The following WDR3 variants were observed in gnomAD, a reference collection of about 807,000 sequenced individuals.
The protein encoded by WDR3 is WD repeat-containing protein 3.
Under a neutral mutation model 123.7 loss-of-function variants are expected in WDR3, and 81 were observed. The ratio of observed to expected loss-of-function variants is 0.65; its 90% CI spans 0.55 to 0.79. WDR3 has a LOEUF of 0.79. Among genes scored for constraint, WDR3 ranks in the 30% least tolerant of loss-of-function variants. WDR3 has a pLI of 0.00. For synonymous variants in WDR3, 390 were observed against 388.8 expected (o/e 1.00, Z -0.04); for missense variants, 1,027 against 1,123.2 (o/e 0.91, Z 1.22).
intron 15 of WDR3, 102 bp downstream of exon 15, chr1:117,950,232 A>G: frequency 7.4e-7 from 1 of 1,348,178 alleles, no homozygotes; most frequent in Middle Eastern, 1.9e-4. Context: ...GCCCAGCGAT[A>G]GTACATTTCT....
At chr1:117,938,892 G>A (rs1235815599) in intron 5 of WDR3, among the ~76,000 whole-genome samples, 1 of 152,140 alleles carries the variant, frequency 6.6e-6, no homozygotes, top group Non-Finnish European at 1.5e-5. Flanking sequence ...AGCAGCACGT[G>A]GTAGCTGTTA....
At chr1:117,957,277 T>C (rs1181089701) in intron 25 of WDR3, 81 bp downstream of exon 25, 39 of 1,473,248 alleles carry the variant, frequency 2.6e-5, no homozygotes, top group Middle Eastern at 1.8e-4. Context: ...GTCAACACTT[T>C]GGGATTAAGA....
chr1:117,957,546 A>G (rs923166764), intron 25 of WDR3, among the ~76,000 whole-genome samples: 2 of 152,222 alleles, frequency 1.3e-5, no homozygotes, highest in Non-Finnish European at 2.9e-5. Flanking sequence ...AAAGCCAATT[A>G]TGATTGGCCA....
Position 117,964,030 on chromosome 1 carries a change from C to A in WDR3, c.*4583C>A. 1 of 1,409,730 alleles carries A rather than the reference C, an allele frequency of 7.1e-7. No individual in the cohort carries two copies. The highest frequency in any genetic ancestry group is 9.7e-7 in the Non-Finnish European group (1 of 1,035,212). The allele number at this position is 1,409,730 out of a possible 1,614,324, so 87.3% of individuals were successfully genotyped here. ...ATTTTAGAATCATAGAATTTCTTCT[C>A]TGGCAACATCAGTTCAATTTTAGGT... On this transcript the variant is annotated 3_prime_UTR_variant, in exon 27 of 27. Coordinates refer to ENST00000349139, the MANE Select transcript of WDR3 (RefSeq NM_006784.3).
At position 117,942,542 on chromosome 1, in the gene WDR3, C is replaced by A. The variant is rs1651208122; in HGVS notation, c.1095C>A (p.Ile365=). 6.2e-7 allele frequency: 1 copy of A among 1,611,610 alleles called. No homozygotes were observed. The highest frequency in any genetic ancestry group is 1.3e-5 in the African/African-American group (1 of 74,776). The part of the protein sequence containing the change: ...RVTNIKTSAK[I]KSFDLIHSPH... The stretch of plus-strand genomic sequence containing the variant: ...CTAATATAAAAACTTCTGCCAAAAT[C>A]AAGTGAGTAAAAATAAATTATCTGA... The change falls in exon 10 of 27, where the codon ATC becomes ATA. Residue 365 remains isoleucine (I), a splice_region_variant and synonymous_variant. Coordinates refer to ENST00000349139, the MANE Select transcript of WDR3 (RefSeq NM_006784.3).
At chr1:117,933,781 T>TC (rs771483108) in intron 2 of WDR3, 1 of 375,852 alleles carries the variant, frequency 2.7e-6, no homozygotes, top group Non-Finnish European at 5.0e-6. Context: ...ATGTATTTTT[T>TC]CTCTACCAAT....
chr1:117,958,853 G>A, intron 25 of WDR3, 57 bp from the exon 26 acceptor site: 1 of 1,300,924 alleles, frequency 7.7e-7, no homozygotes, highest in Admixed American at 2.0e-5. Context: ...GTTTCTAGAA[G>A]GGTTAAGTAG....
intron 2 of WDR3, 29 bp from the exon 3 acceptor site, chr1:117,934,444 T>C (rs747241069): frequency 1.9e-6 from 3 of 1,609,744 alleles, no homozygotes; most frequent in African/African-American, 2.7e-5. Context: ...TTAACTCTTC[T>C]ACATTGTTTT....
chr1:117,930,304 G>A (rs1650660972), intron 1 of WDR3, among the ~76,000 whole-genome samples: 1 of 152,196 alleles, frequency 6.6e-6, no homozygotes, highest in African/African-American at 2.4e-5. Flanking sequence ...TAAATATCGA[G>A]GCGATGAAAA....
chr1:117,945,667 A>G (rs60123653), intron 11 of WDR3, among the ~76,000 whole-genome samples: 3,755 of 152,282 alleles, frequency 0.025, 153 homozygotes, highest in African/African-American at 0.084. Context: ...TGTAGTGGGC[A>G]TTCAGTAAAT....
Position 117,962,613 on chromosome 1 carries a change from G to GTATT in WDR3, c.*3169_*3170insTTAT, listed in dbSNP as rs1217970500. The GTATT allele has an allele frequency of 6.6e-6, 1 of 151,474 alleles. No homozygotes were observed. The highest frequency in any genetic ancestry group is 1.5e-5 in the Non-Finnish European group (1 of 67,946). The allele number at this position is 151,474 out of a possible 1,614,324, so 9.4% of individuals were successfully genotyped here. A position where few individuals can be genotyped will look rare whatever the true frequency, so the allele number is the denominator to read the frequency against. ...AACATTTAGGCTTATTTTTAAAAAT[G>GTATT]TATATATCCATCCACTTAGAGAAAA... is the stretch of plus-strand genomic sequence containing the variant. On this transcript the variant is annotated 3_prime_UTR_variant, in exon 27 of 27. Coordinates refer to ENST00000349139, the MANE Select transcript of WDR3 (RefSeq NM_006784.3).
At chr1:117,950,985 G>T (rs1651588740) in intron 16 of WDR3, 95 bp downstream of exon 16, 21 of 978,386 alleles carry the variant, frequency 2.1e-5, no homozygotes, top group Non-Finnish European at 3.2e-5. Context: ...TAGATTATTT[G>T]TTTTTATCAT....
chr1:117,951,939 A>G (rs745993290), intron 16 of WDR3, 37 bp from the exon 17 acceptor site: 1 of 1,575,142 alleles, frequency 6.3e-7, no homozygotes, highest in Admixed American at 1.9e-5. Flanking sequence ...TACGGAATTC[A>G]AAAATCAAGG....
chr1:117,947,213 C>T (rs933093839), intron 12 of WDR3, among the ~76,000 whole-genome samples: 3 of 152,146 alleles, frequency 2.0e-5, no homozygotes, highest in African/African-American at 4.8e-5. Context: ...AATAGCTAAT[C>T]GATAATAGAG....
At chr1:117,957,346 GT>G in intron 25 of WDR3, 150 bp downstream of exon 25, 8 of 1,019,738 alleles carry the variant, frequency 7.8e-6, no homozygotes, top group Non-Finnish European at 1.1e-5. Flanking sequence ...GGAGGCTGAG[GT>G]GGGTGGATTG....
rs767065187 is a variant in WDR3, at chr1:117,933,615, A to G, written c.171+125A>G. ...TTGTGTCTGTGCCCTTAGAAGAAAA[A>G]TCTTTTTCCTTTAGGTCTAGCTAGC... On this transcript the variant is annotated intron_variant, in intron 2 of 26. Transcript: ENST00000349139. 8 of 1,319,820 alleles carry G rather than the reference A, an allele frequency of 6.1e-6. 1 individual carries two copies. The East Asian group carries it at 1.7e-4, about 28-fold the overall frequency. 81.8% of individuals were successfully genotyped at this position (1,319,820 alleles called of 1,614,324 possible). A position where few individuals can be genotyped will look rare whatever the true frequency, so the allele number is the denominator to read the frequency against.
intron 6 of WDR3, among the ~76,000 whole-genome samples, chr1:117,939,938 A>G (rs1045788107): frequency 5.9e-5 from 9 of 152,234 alleles, no homozygotes; most frequent in African/African-American, 2.2e-4. Flanking sequence ...GAAAAGATCT[A>G]TAACTTTTTC....
chr1:117,938,165 G>A (rs1651010656), intron 4 of WDR3, among the ~76,000 whole-genome samples: 3 of 152,196 alleles, frequency 2.0e-5, no homozygotes, highest in African/African-American at 7.2e-5. Context: ...TAGACTGTCT[G>A]AGGGGAATGC....
chr1:117,933,672 C>T (rs1650816298), intron 2 of WDR3, 182 bp downstream of exon 2: 1 of 725,370 alleles, frequency 1.4e-6, no homozygotes, highest in Non-Finnish European at 2.4e-6. Flanking sequence ...TTCTTCGCCA[C>T]TGAATTCTGA....
Sources: allele counts gnomAD v4.1 joint callset (sites outside exome capture counted in the v4.1 genomes callset), GRCh38; gene constraint gnomAD v4.1.1; transcripts MANE v1.5; gene names NCBI Gene and HGNC (gene_info 2026-07-23, HGNC 2026-07-21).